USP8: variants seen among roughly 807,000 people sequenced by gnomAD.
USP8 encodes ubiquitin carboxyl-terminal hydrolase 8.
Under a neutral mutation model 130.0 loss-of-function variants are expected in USP8, and 27 were observed. The ratio of observed to expected loss-of-function variants is 0.21; its 90% CI spans 0.15 to 0.29. The LOEUF is 0.29. USP8 is among the 10% of genes least tolerant of loss of function. USP8 has a pLI of 1.00. For missense variants in USP8, 1,029 were observed against 1,312.2 expected, an observed-to-expected ratio of 0.78 and a Z score of 3.33; for synonymous variants, 392 against 444.1, an observed-to-expected ratio of 0.88 and a Z score of 1.48.
chr15:50,459,734 G>C (rs1361236221), intron 5 of USP8, among the ~76,000 whole-genome samples: 1 of 152,080 alleles, frequency 6.6e-6, no homozygotes, highest in Non-Finnish European at 1.5e-5. Flanking sequence ...AATCATTTGA[G>C]CTGAGCTGTG....
rs2052710031 is a variant in USP8, at chr15:50,509,427, C to T, written c.*10339C>T. On this transcript the variant is annotated 3_prime_UTR_variant, in exon 20 of 20. Coordinates refer to ENST00000307179, the MANE Select transcript of USP8 (RefSeq NM_005154.5). ...CTTTGGAAGGCTGAGGCAGGCGGAT[C>T]ACCAGGTCAGGAAATTGAGACTATC... 2 of 152,174 alleles carry T rather than the reference C, an allele frequency of 1.3e-5. No individual in the cohort carries two copies. The allele number at this position is 152,174 out of a possible 1,614,324, so 9.4% of individuals were successfully genotyped here.
chr15:50,451,910 T>G (rs2050639612), intron 4 of USP8, among the ~76,000 whole-genome samples: 1 of 152,210 alleles, frequency 6.6e-6, no homozygotes, highest in African/African-American at 2.4e-5. Flanking sequence ...GTGAAAGCCC[T>G]TAACATCTTG....
chr15:50,441,574 A>G (rs2050261953), intron 3 of USP8, 81 bp downstream of exon 3: 3 of 1,237,604 alleles, frequency 2.4e-6, no homozygotes. Context: ...AATTTTAAGT[A>G]ATAATGAAAT....
At chr15:50,473,311 A>G (rs2051443751) in intron 8 of USP8, among the ~76,000 whole-genome samples, 1 of 152,162 alleles carries the variant, frequency 6.6e-6, no homozygotes. Context: ...AACTACACAT[A>G]TTCTCTCATG....
rs79605999 is a variant in USP8, at chr15:50,462,267, T to C, written c.499-13T>C. ...TATGAAAGTTGAAACTTTTTTTTTT[T>C]CCTATGCAATAGAGCAATGGTGAAA... On this transcript the variant is annotated splice_polypyrimidine_tract_variant and intron_variant, in intron 5 of 19. Coordinates refer to ENST00000307179, the MANE Select transcript of USP8 (RefSeq NM_005154.5). 39 of 1,595,340 alleles carry C rather than the reference T, an allele frequency of 2.4e-5. No individual in the cohort carries two copies. Among genetic ancestry groups the C allele is most frequent in the African/African-American group, 4.1e-5 (3 of 73,522 alleles).
intron 1 of USP8, among the ~76,000 whole-genome samples, chr15:50,432,970 G>A (rs998161686): frequency 2.6e-5 from 4 of 152,194 alleles, no homozygotes; most frequent in Non-Finnish European, 4.4e-5. Context: ...GGCCGGGCAC[G>A]ATGGCTCACG....
chr15:50,479,082 A>T lies in USP8; in HGVS notation c.1218+1583A>T, dbSNP rs78095925. On this transcript the variant is annotated intron_variant, in intron 10 of 19. Transcript: ENST00000307179. Reference sequence around the variant, plus strand: ...AAAATAAAAATAAAAATAAGACAGCATGAAAGTTTGTATATACAAGAGATG... The same window carrying T: ...AAAATAAAAATAAAAATAAGACAGCTTGAAAGTTTGTATATACAAGAGATG... Among the ~76,000 whole-genome samples, 224 of 152,174 alleles carry T rather than the reference A, an allele frequency of 1.5e-3. 7 individuals carry two copies. In the East Asian group the frequency reaches 0.041, roughly 28 times the overall value.
At chr15:50,432,311 C>G (rs543093299) in intron 1 of USP8, 2 of 152,122 alleles carry the variant, frequency 1.3e-5, no homozygotes, top group Non-Finnish European at 2.9e-5. Flanking sequence ...TGGCTACCTA[C>G]CATTTCTCCC....
At chr15:50,427,574 T>C (rs2141241542) in intron 1 of USP8, among the ~76,000 whole-genome samples, 1 of 149,990 alleles carries the variant, frequency 6.7e-6, no homozygotes, top group East Asian at 1.9e-4. Flanking sequence ...TTTTTTTTTT[T>C]TTTTTTGAGA....
chr15:50,492,577 A>G lies in USP8; in HGVS notation c.2235-124A>G, dbSNP rs1393203370. ...GGAAGGCCCAGCATCTTATGAGTTA[A>G]CATATTAACTGTTTACAAGATGCCT... On this transcript the variant is annotated intron_variant, in intron 14 of 19. Coordinates refer to ENST00000307179, the MANE Select transcript of USP8 (RefSeq NM_005154.5). The G allele has an allele frequency of 3.0e-5, 27 of 897,686 alleles. No individual in the cohort carries two copies. In the East Asian group the frequency reaches 6.9e-4, roughly 23 times the overall value. The allele number at this position is 897,686 out of a possible 1,614,324, so 55.6% of individuals were successfully genotyped here.
intron 8 of USP8, 91 bp downstream of exon 8, chr15:50,471,886 A>G (rs1595952053): frequency 1.4e-6 from 2 of 1,399,632 alleles, no homozygotes; most frequent in Admixed American, 2.1e-5. Context: ...CTTAAATACT[A>G]AAAGATTCAT....
chr15:50,429,166 G>A (rs1567592367), intron 1 of USP8, among the ~76,000 whole-genome samples: 1 of 152,168 alleles, frequency 6.6e-6, no homozygotes, highest in African/African-American at 2.4e-5. Context: ...TGGATAAGGG[G>A]GGACTACTAC....
At chr15:50,491,622 T>C (rs938797896) in intron 14 of USP8, among the ~76,000 whole-genome samples, 1 of 152,140 alleles carries the variant, frequency 6.6e-6, no homozygotes, top group Non-Finnish European at 1.5e-5. Context: ...CAGTATTACT[T>C]TTAGGGGTGG....
intron 3 of USP8, among the ~76,000 whole-genome samples, chr15:50,447,208 C>T (rs1225923891): frequency 3.3e-5 from 5 of 152,076 alleles, no homozygotes; most frequent in Non-Finnish European, 5.9e-5. Context: ...TGCTACTGGA[C>T]GCTGGTCTTA....
At chr15:50,480,613 G>A (rs1460989138) in intron 10 of USP8, among the ~76,000 whole-genome samples, 1 of 152,102 alleles carries the variant, frequency 6.6e-6, no homozygotes, top group Non-Finnish European at 1.5e-5. Context: ...AGTTGGGAAG[G>A]AGCATGGCAT....
At chr15:50,482,652 T>C (rs970991737) in intron 11 of USP8, among the ~76,000 whole-genome samples, 4 of 152,220 alleles carry the variant, frequency 2.6e-5, no homozygotes, top group African/African-American at 9.7e-5. Context: ...TTGTTATTCT[T>C]TTTCAATCTC....
chr15:50,482,062 C>A lies in USP8; in HGVS notation c.1800C>A (p.Gly600=). ...CTGTGACAGGGGATTCAGGTTCAGGCAAGGTAAGCAGAAACAGTACAAATT... is the reference window on the plus strand; with the variant it reads ...CTGTGACAGGGGATTCAGGTTCAGGAAAGGTAAGCAGAAACAGTACAAATT... The part of the protein sequence containing the change: ...HTSVTGDSGS[G]KPFKIKGQPE... The change falls in exon 11 of 20, where the codon GGC becomes GGA. Residue 600 remains glycine (G), a synonymous_variant. Coordinates refer to ENST00000307179, the MANE Select transcript of USP8 (RefSeq NM_005154.5). 2.0e-6 allele frequency: 3 copies of A among 1,490,080 alleles called. No homozygotes were observed. Among genetic ancestry groups the A allele is most frequent in the Admixed American group, 2.6e-5 (1 of 38,516 alleles). 92.3% of individuals were successfully genotyped at this position (1,490,080 alleles called of 1,614,324 possible). A position where few individuals can be genotyped will look rare whatever the true frequency, so the allele number is the denominator to read the frequency against.
rs142928952 is a variant in USP8 at position 50,499,065 on chromosome 15, C to T, written c.3334C>T (p.Arg1112Ter). ...CCTCTTTTATACTTCATTGGGACCA[C>T]GAGTAACTGATGTAGCCACATAAGG... The part of the protein sequence containing the change: ...YILFYTSLGP[R>*]VTDVAT Residue 1112 changes from arginine (R) to a stop codon, truncating the protein, a stop_gained, in exon 20 of 20, where the codon CGA (arginine) becomes TGA (stop). Transcript: ENST00000307179. LOFTEE classifies it high-confidence loss of function. The T allele has an allele frequency of 1.8e-4, 285 of 1,610,132 alleles. 2 individuals are homozygous for T. The highest frequency in any genetic ancestry group is 4.6e-4 in the South Asian group (42 of 90,538).
chr15:50,472,073 G>C (rs1044021153), intron 8 of USP8, among the ~76,000 whole-genome samples: 5 of 151,524 alleles, frequency 3.3e-5, no homozygotes, highest in Non-Finnish European at 7.4e-5. Flanking sequence ...GCTAATTTTT[G>C]TATTTTTAGA....
Sources: gnomAD v4.1 joint callset for allele counts (sites outside exome capture counted in the v4.1 genomes callset) on GRCh38, gnomAD v4.1.1 for gene constraint, MANE v1.5 for transcripts, NCBI Gene and HGNC (gene_info 2026-07-23, HGNC 2026-07-21) for gene names.